ZC3H8: variants seen among roughly 807,000 people sequenced by gnomAD.
ZC3H8 encodes zinc finger CCCH domain-containing protein 8.
ZC3H8 carries 27 observed loss-of-function variants against 42.5 expected under a neutral mutation model. The observed-to-expected ratio is 0.64, with a 90% CI of 0.47 to 0.88. The LOEUF is 0.88. Among genes scored for constraint, ZC3H8 ranks in the 40% least tolerant of loss-of-function variants. The pLI is 0.00. For synonymous variants in ZC3H8, 101 were observed against 110.1 expected, an observed-to-expected ratio of 0.92 and a Z score of 0.52; for missense variants, 277 against 336.1, an observed-to-expected ratio of 0.82 and a Z score of 1.37.
At chr2:112,245,496 A>G (rs969017390) in intron 2 of ZC3H8, among the ~76,000 whole-genome samples, 5 of 152,226 alleles carry the variant, frequency 3.3e-5, no homozygotes, top group Non-Finnish European at 5.9e-5. Flanking sequence ...TCTACTAAAA[A>G]TACAAAAATT....
chr2:112,247,118 T>C (rs1230481401), intron 2 of ZC3H8, among the ~76,000 whole-genome samples: 1 of 152,218 alleles, frequency 6.6e-6, no homozygotes, highest in Non-Finnish European at 1.5e-5. Context: ...CAGAGTACTG[T>C]ATAGTATAAA....
intron 4 of ZC3H8, among the ~76,000 whole-genome samples, chr2:112,234,664 G>A (rs1177003199): frequency 2.0e-5 from 3 of 152,110 alleles, no homozygotes; most frequent in African/African-American, 7.2e-5. Context: ...GCTGGGAGTG[G>A]TGGTGTGCGC....
intron 2 of ZC3H8, among the ~76,000 whole-genome samples, chr2:112,248,502 T>C (rs1373732117): frequency 6.6e-6 from 1 of 152,190 alleles, no homozygotes; most frequent in African/African-American, 2.4e-5. Flanking sequence ...AACTCATTTT[T>C]TTTTTGAGAT....
At chr2:112,223,521 T>A (rs1381572419) in intron 8 of ZC3H8, among the ~76,000 whole-genome samples, 1 of 152,142 alleles carries the variant, frequency 6.6e-6, no homozygotes, top group East Asian at 1.9e-4. Flanking sequence ...TTGTATAACC[T>A]CTTGACTTTT....
intron 1 of ZC3H8, chr2:112,253,996 G>T: frequency 2.2e-6 from 1 of 449,384 alleles, no homozygotes; most frequent in Non-Finnish European, 2.9e-6. Flanking sequence ...AGGTTATTTA[G>T]CCTCTCCGTG....
intron 8 of ZC3H8, among the ~76,000 whole-genome samples, chr2:112,229,414 TAC>T (rs1197050335): frequency 6.6e-6 from 1 of 152,192 alleles, no homozygotes; most frequent in Admixed American, 6.5e-5. Flanking sequence ...AAAGGTGGAG[TAC>T]AGTTTCCTTC....
intron 1 of ZC3H8, 84 bp from the exon 2 acceptor site, chr2:112,250,356 C>G (rs1685904961): frequency 2.2e-6 from 2 of 921,834 alleles, no homozygotes; most frequent in Non-Finnish European, 3.1e-6. Flanking sequence ...ACTGCTTTGG[C>G]TTGTCTTCAA....
intron 2 of ZC3H8, among the ~76,000 whole-genome samples, chr2:112,241,779 T>A (rs1414363813): frequency 6.6e-6 from 1 of 152,172 alleles, no homozygotes; most frequent in Non-Finnish European, 1.5e-5. Context: ...TAGGTCTTAA[T>A]ATTCAGTGTA....
chr2:112,219,250 T>G (rs1684479226), intron 8 of ZC3H8, among the ~76,000 whole-genome samples: 11 of 152,098 alleles, frequency 7.2e-5, no homozygotes, highest in Non-Finnish European at 1.5e-4. Flanking sequence ...TATAGAGCAC[T>G]GGAACACAGT....
At chr2:112,229,557 T>C (rs1211507084) in intron 8 of ZC3H8, among the ~76,000 whole-genome samples, 1 of 152,198 alleles carries the variant, frequency 6.6e-6, no homozygotes, top group Non-Finnish European at 1.5e-5. Flanking sequence ...GCTAGCCCAC[T>C]GGTCCCAGGA....
chr2:112,247,472 G>A (rs755420112), intron 2 of ZC3H8, among the ~76,000 whole-genome samples: 1 of 152,176 alleles, frequency 6.6e-6, no homozygotes, highest in Non-Finnish European at 1.5e-5. Context: ...CCAACTACTC[G>A]GGAGGCTGAG....
Position 112,213,232 on chromosome 2 carries a change from A to G in ZC3H8, c.*3252T>C, listed in dbSNP as rs569513787. On this transcript the variant is annotated 3_prime_UTR_variant, in exon 9 of 9. Coordinates refer to ENST00000409573, the MANE Select transcript of ZC3H8 (RefSeq NM_032494.3). ...TGATCCTCCTGCCTTGGCCTCCCAAAGTGCCGAGATTCAAGGTGTGAGCCA... is the reference window on the plus strand; with the variant it reads ...TGATCCTCCTGCCTTGGCCTCCCAAGGTGCCGAGATTCAAGGTGTGAGCCA... 4 of 152,246 alleles carry G rather than the reference A, an allele frequency of 2.6e-5. No homozygotes were observed. In the South Asian group the frequency reaches 8.3e-4, roughly 32 times the overall value. The allele number at this position is 152,246 out of a possible 1,614,324, so 9.4% of individuals were successfully genotyped here. A position where few individuals can be genotyped will look rare whatever the true frequency, so the allele number is the denominator to read the frequency against.
At chr2:112,254,767 G>T in intron 1 of ZC3H8, 141 bp downstream of exon 1, 1 of 965,334 alleles carries the variant, frequency 1.0e-6, no homozygotes, top group Non-Finnish European at 1.5e-6. Context: ...AGACGGTGGC[G>T]CCCGGCCGGC....
chr2:112,217,773 A>G (rs1684393403), intron 8 of ZC3H8, among the ~76,000 whole-genome samples: 1 of 152,160 alleles, frequency 6.6e-6, no homozygotes, highest in Non-Finnish European at 1.5e-5. Flanking sequence ...TTGATGACAA[A>G]TATTTTCAGT....
chr2:112,216,301 C>A lies in ZC3H8; in HGVS notation c.*183G>T, dbSNP rs1394223912. 1 of 152,418 alleles carries A rather than the reference C, an allele frequency of 6.6e-6. No individual in the cohort carries two copies. The highest frequency in any genetic ancestry group is 2.4e-5 in the African/African-American group (1 of 41,586). The allele number at this position is 152,418 out of a possible 1,614,324, so 9.4% of individuals were successfully genotyped here. ...GGGAAGACCAAGCCCTTCACTTGTACATTAGATCCCAGCTCTCTGTCCCAT... is the reference window on the plus strand; with the variant it reads ...GGGAAGACCAAGCCCTTCACTTGTAAATTAGATCCCAGCTCTCTGTCCCAT... On this transcript the variant is annotated 3_prime_UTR_variant, in exon 9 of 9. Transcript: ENST00000409573.
intron 3 of ZC3H8, among the ~76,000 whole-genome samples, chr2:112,237,599 C>CA (rs1452932491): frequency 1.3e-5 from 2 of 148,440 alleles, no homozygotes; most frequent in African/African-American, 5.0e-5. Flanking sequence ...TTTTTTGAGA[C>CA]AGAGTCTCGC....
At chr2:112,254,037 G>T in intron 1 of ZC3H8, 1 of 858,236 alleles carries the variant, frequency 1.2e-6, no homozygotes, top group South Asian at 5.3e-5. Context: ...AAACGAGGAC[G>T]GCATCATCTT....
At chr2:112,219,310 G>A (rs1171491943) in intron 8 of ZC3H8, among the ~76,000 whole-genome samples, 1 of 152,130 alleles carries the variant, frequency 6.6e-6, no homozygotes, top group East Asian at 1.9e-4. Context: ...ATTGACAAAA[G>A]TACCAAGACC....
chr2:112,214,835 T>C lies in ZC3H8; in HGVS notation c.*1649A>G, dbSNP rs1684267212. On this transcript the variant is annotated 3_prime_UTR_variant, in exon 9 of 9. Coordinates refer to ENST00000409573, the MANE Select transcript of ZC3H8 (RefSeq NM_032494.3). ...GCTTTGAGAACACAGGACACATTCA[T>C]GAGAATCTCTGTCTCCTAACTTGAT... 6.6e-6 allele frequency: 1 copy of C among 152,208 alleles called. No homozygotes were observed. Among genetic ancestry groups the C allele is most frequent in the African/African-American group, 2.4e-5 (1 of 41,444 alleles). The allele number at this position is 152,208 out of a possible 1,614,324, so 9.4% of individuals were successfully genotyped here.
Sources: allele counts gnomAD v4.1 joint callset (sites outside exome capture counted in the v4.1 genomes callset), GRCh38; gene constraint gnomAD v4.1.1; transcripts MANE v1.5; gene names NCBI Gene and HGNC (gene_info 2026-07-23, HGNC 2026-07-21).